RGS8: variants seen among roughly 807,000 people sequenced by gnomAD.
RGS8 encodes the protein regulator of G protein signaling 8, also known as regulator of G-protein signaling 8.
A neutral mutation model predicts 21.7 loss-of-function variants in RGS8; 8 were observed. The observed-to-expected ratio is 0.37, with a 90% CI of 0.22 to 0.66. The LOEUF (loss-of-function observed/expected upper bound fraction) is 0.66, where lower values mean the gene tolerates loss of function less well. Ranked by LOEUF, RGS8 falls within the 30% of genes least tolerant of loss-of-function variation. The pLI is 0.59. For synonymous variants in RGS8, 80 were observed against 83.6 expected, an observed-to-expected ratio of 0.96 and a Z score of 0.24; for missense variants, 157 against 217.9, an observed-to-expected ratio of 0.72 and a Z score of 1.76.
At chr1:182,735,687 C>A in the RGS8 span, among the ~76,000 whole-genome samples, 3 of 152,182 alleles carry the variant, frequency 2.0e-5, no homozygotes, top group African/African-American at 7.2e-5. Context: ...AAGTCTGTGC[C>A]TCTACACAGC....
chr1:182,749,576 G>T, the RGS8 span, among the ~76,000 whole-genome samples: 2 of 152,038 alleles, frequency 1.3e-5, no homozygotes, highest in South Asian at 4.2e-4. Flanking sequence ...GCTATTTGAG[G>T]TCTTTTGTGA....
the RGS8 span, among the ~76,000 whole-genome samples, chr1:182,690,288 T>C: frequency 6.6e-6 from 1 of 152,196 alleles, no homozygotes; most frequent in Non-Finnish European, 1.5e-5. Flanking sequence ...GGTACAACAA[T>C]AGCACACTAC....
At chr1:182,658,880 T>G (rs77978848) in intron 5 of RGS8, among the ~76,000 whole-genome samples, 3,272 of 152,316 alleles carry the variant, frequency 0.021, 131 homozygotes, top group African/African-American at 0.073. Context: ...GACTAAGTAA[T>G]ATTTATGTAG....
At chr1:182,741,759 C>A in the RGS8 span, among the ~76,000 whole-genome samples, 1 of 108,420 alleles carries the variant, frequency 9.2e-6, no homozygotes, top group Non-Finnish European at 2.2e-5. Context: ...GGGGCTGACC[C>A]CCCCACCTCC....
chr1:182,653,433 C>T (rs1384362967), intron 5 of RGS8, among the ~76,000 whole-genome samples: 2 of 151,660 alleles, frequency 1.3e-5, no homozygotes, highest in Non-Finnish European at 2.9e-5. Flanking sequence ...CAGTTGCTCA[C>T]ACCTGTAATC....
intron 1 of RGS8, among the ~76,000 whole-genome samples, chr1:182,682,814 A>G (rs1354302579): frequency 6.6e-6 from 1 of 152,186 alleles, no homozygotes; most frequent in Non-Finnish European, 1.5e-5. Flanking sequence ...CTTAACAGAA[A>G]GATGAGGGTT....
At chr1:182,733,167 A>G in the RGS8 span, among the ~76,000 whole-genome samples, 1 of 152,246 alleles carries the variant, frequency 6.6e-6, no homozygotes, top group Non-Finnish European at 1.5e-5. Flanking sequence ...TGCTGTGTTC[A>G]TAGGCAGTAA....
At chr1:182,705,134 A>G in the RGS8 span, among the ~76,000 whole-genome samples, 1 of 152,230 alleles carries the variant, frequency 6.6e-6, no homozygotes, top group Non-Finnish European at 1.5e-5. Flanking sequence ...TAAATTCATT[A>G]TGAGAGATTG....
At chr1:182,742,051 C>T in the RGS8 span, among the ~76,000 whole-genome samples, 1 of 146,640 alleles carries the variant, frequency 6.8e-6, no homozygotes, top group Non-Finnish European at 1.5e-5. Flanking sequence ...AGACGCTCCT[C>T]ACATCCCGGA....
At chr1:182,672,801 T>C, upstream of RGS8, 2 of 1,614,096 alleles carry the variant, frequency 1.2e-6, no homozygotes, top group South Asian at 1.1e-5. Context: ...ATTTCTTTCT[T>C]CTTTCAAACC....
the RGS8 span, among the ~76,000 whole-genome samples, chr1:182,744,351 C>T: frequency 6.6e-6 from 1 of 152,032 alleles, no homozygotes; most frequent in African/African-American, 2.4e-5. Flanking sequence ...TGTTGAACTC[C>T]TTGGCTCAAG....
chr1:182,661,093 G>A lies in RGS8; in HGVS notation c.193+4876C>T, dbSNP rs185718366. On this transcript the variant is annotated intron_variant, in intron 5 of 6. Coordinates refer to ENST00000483095, the Ensembl canonical transcript of RGS8. Reference sequence around the variant, plus strand: ...AATTTTAATGTTTGTTTATTTGATTGTTTGGGGTCTTCTGCTTGGTTGCTG... The same window carrying A: ...AATTTTAATGTTTGTTTATTTGATTATTTGGGGTCTTCTGCTTGGTTGCTG... 5.2e-3 allele frequency among the ~76,000 whole-genome samples: 792 copies of A among 151,458 alleles called. 6 individuals carry two copies. The highest frequency in any genetic ancestry group is 8.3e-3 in the Non-Finnish European group (564 of 67,838).
the RGS8 span, among the ~76,000 whole-genome samples, chr1:182,713,670 A>G: frequency 6.6e-6 from 1 of 152,156 alleles, no homozygotes; most frequent in Non-Finnish European, 1.5e-5. Context: ...CCCCACTGCC[A>G]TGCTATAGTT....
the RGS8 span, among the ~76,000 whole-genome samples, chr1:182,708,495 G>A: frequency 6.6e-6 from 1 of 152,216 alleles, no homozygotes; most frequent in Non-Finnish European, 1.5e-5. Context: ...TAATGGCTCA[G>A]ACAAGGGGTT....
At chr1:182,716,547 G>A in the RGS8 span, among the ~76,000 whole-genome samples, 3 of 151,720 alleles carry the variant, frequency 2.0e-5, no homozygotes, top group Non-Finnish European at 2.9e-5. Flanking sequence ...GACATGGAAG[G>A]CCAAGTGTAT....
chr1:182,679,108 C>T (rs1311372110), intron 1 of RGS8, among the ~76,000 whole-genome samples: 1 of 152,166 alleles, frequency 6.6e-6, no homozygotes, highest in Non-Finnish European at 1.5e-5. Flanking sequence ...CTCTTTCTCA[C>T]ATGTTATTCT....
At chr1:182,749,368 C>T in the RGS8 span, among the ~76,000 whole-genome samples, 1 of 152,064 alleles carries the variant, frequency 6.6e-6, no homozygotes, top group Non-Finnish European at 1.5e-5. Context: ...CCATTATGTA[C>T]TTGGTGTTTC....
the RGS8 span, among the ~76,000 whole-genome samples, chr1:182,699,012 G>A: frequency 6.6e-6 from 1 of 152,176 alleles, no homozygotes; most frequent in African/African-American, 2.4e-5. Flanking sequence ...GAGGCATAAA[G>A]CTATTTATTT....
intron 3 of RGS8, 62 bp from the exon 5 acceptor site, chr1:182,667,035 T>C (rs999893900): frequency 2.2e-6 from 3 of 1,364,630 alleles, no homozygotes; most frequent in Non-Finnish European, 3.1e-6. Flanking sequence ...GTCAGCTCTA[T>C]ACAGGGCCCC....
Sources: gnomAD v4.1 joint callset for allele counts (sites outside exome capture counted in the v4.1 genomes callset) on GRCh38, gnomAD v4.1.1 for gene constraint, MANE v1.5 for transcripts, NCBI Gene and HGNC (gene_info 2026-07-23, HGNC 2026-07-21) for gene names.